Variants in NPHP3 observed in about 807,000 individuals in gnomAD.
NPHP3 encodes the protein nephrocystin-3.
A neutral mutation model predicts 171.9 loss-of-function variants in NPHP3; 123 were observed. The observed-to-expected ratio is 0.72, with a 90% CI of 0.62 to 0.83. The LOEUF (loss-of-function observed/expected upper bound fraction) is 0.83. Among genes scored for constraint, NPHP3 ranks in the 40% least tolerant of loss-of-function variants. NPHP3 has a pLI of 0.00. For synonymous variants in NPHP3, 558 were observed against 579.2 expected, an observed-to-expected ratio of 0.96 and a Z score of 0.52; for missense variants, 1,506 against 1,591.9, an observed-to-expected ratio of 0.95 and a Z score of 0.92.
At chr3:132,703,582 T>TC (rs202013776) in intron 9 of NPHP3, among the ~76,000 whole-genome samples, 1,613 of 148,394 alleles carry the variant, frequency 0.011, 23 homozygotes, top group African/African-American at 0.038. Flanking sequence ...TTTCTTTCTT[T>TC]TTTTTTTTTT....
intron 15 of NPHP3, chr3:132,695,292 C>T (rs1426721823): frequency 4.3e-6 from 1 of 232,156 alleles, no homozygotes; most frequent in Non-Finnish European, 8.7e-6. Flanking sequence ...AGCAGGGAAA[C>T]GATGATAAGT....
rs757236296 is a variant in NPHP3 at position 132,719,174 on chromosome 3, G to C, written c.520-30C>G. 3 of 1,543,158 alleles carry C rather than the reference G, an allele frequency of 1.9e-6. No individual in the cohort carries two copies. In the South Asian group the frequency reaches 3.5e-5, roughly 18 times the overall value. ...AAAAAGAATAATTTTAATGTTGAAAGCTTTTTCATAATCAAAAAGTTGTGT... is the reference window on the plus strand; with the variant it reads ...AAAAAGAATAATTTTAATGTTGAAACCTTTTTCATAATCAAAAAGTTGTGT... On this transcript the variant is annotated intron_variant, in intron 2 of 26. Transcript: ENST00000337331.
chr3:132,719,223 T>A, intron 2 of NPHP3, 79 bp from the exon 3 acceptor site: 1 of 1,125,082 alleles, frequency 8.9e-7, no homozygotes, highest in East Asian at 2.4e-5. Flanking sequence ...GGAAAAATAT[T>A]TCATTCATAA....
chr3:132,697,185 T>G (rs1175694503), intron 14 of NPHP3, 75 bp downstream of exon 14: 1 of 1,039,788 alleles, frequency 9.6e-7, no homozygotes, highest in Non-Finnish European at 1.5e-6. Context: ...CTATATTGAA[T>G]TTTAAGTCTC....
Position 132,681,381 on chromosome 3 carries a change from A to G in NPHP3, c.*529T>C, listed in dbSNP as rs904354545. 3.8e-5 allele frequency: 6 copies of G among 158,572 alleles called. No homozygotes were observed. Among genetic ancestry groups the G allele is most frequent in the Non-Finnish European group, 6.8e-5 (5 of 73,268 alleles). 9.8% of individuals were successfully genotyped at this position (158,572 alleles called of 1,614,324 possible). A position where few individuals can be genotyped will look rare whatever the true frequency, so the allele number is the denominator to read the frequency against. On this transcript the variant is annotated 3_prime_UTR_variant, in exon 27 of 27. Transcript: ENST00000337331. ...TGAGTTCAAGCGATTCTCATGCCTC[A>G]GCCTCCTGAGTAGCTAGGATTACAG...
chr3:132,693,132 G>A, intron 16 of NPHP3: 1 of 291,218 alleles, frequency 3.4e-6, no homozygotes, highest in Non-Finnish European at 6.5e-6. Flanking sequence ...GAAGACAGTG[G>A]AAGAAAATAG....
Position 132,694,860 on chromosome 3 carries a change from C to A in NPHP3, c.2277G>T (p.Met759Ile). The A allele has an allele frequency of 6.2e-7, 1 of 1,613,668 alleles. No homozygotes were observed. The highest frequency in any genetic ancestry group is 8.5e-7 in the Non-Finnish European group (1 of 1,179,928). ...RLVLHSIRES[M>I]ANDVDKELMK... ...TTAGCTCTTTATCCACATCATTTGC[C>A]ATGGACTCCCGGATAGAGTGCAGAA... Residue 759 changes from methionine (M) to isoleucine (I), a missense_variant, in exon 16 of 27, where the codon ATG becomes ATT. Met to Ile is a conservative substitution (Grantham distance 10, BLOSUM62 1). Transcript: ENST00000337331.
rs1254180323 is a variant in NPHP3, at chr3:132,700,352, A to C, written c.1725T>G (p.Ile575Met). Reference protein sequence around the residue: ...MSTSSESSLIIKRLTLKLMQH... With the variant: ...MSTSSESSLIMKRLTLKLMQH... ...ACTATACCTTTAGAGTTAGTCGTTTAATAATCAAGGAGGACTCTGAGCTGG... is the reference window on the plus strand; with the variant it reads ...ACTATACCTTTAGAGTTAGTCGTTTCATAATCAAGGAGGACTCTGAGCTGG... The change falls in exon 11 of 27, where the codon ATT becomes ATG. Residue 575 changes from isoleucine (I) to methionine (M), a missense_variant. Physicochemically the swap from Ile to Met is conservative, Grantham distance 10. Coordinates refer to ENST00000337331, the MANE Select transcript of NPHP3 (RefSeq NM_153240.5). The C allele has an allele frequency of 6.2e-7, 1 of 1,606,098 alleles. No homozygotes were observed. Among genetic ancestry groups the C allele is most frequent in the Admixed American group, 1.7e-5 (1 of 60,006 alleles).
chr3:132,692,593 G>A, intron 17 of NPHP3, 61 bp downstream of exon 17: 2 of 1,458,140 alleles, frequency 1.4e-6, no homozygotes, highest in Non-Finnish European at 1.9e-6. Context: ...TCCAGCCTGG[G>A]TGACAGAGAA....
intron 8 of NPHP3, among the ~76,000 whole-genome samples, chr3:132,705,173 T>A (rs1315705831): frequency 1.3e-5 from 2 of 152,098 alleles, no homozygotes; most frequent in East Asian, 1.9e-4. Context: ...TTACTATTTT[T>A]TTCTAATATA....
At chr3:132,721,907 C>T (rs1940234532) in intron 1 of NPHP3, 56 bp downstream of exon 1, 2 of 1,592,832 alleles carry the variant, frequency 1.3e-6, no homozygotes, top group Admixed American at 1.7e-5. Flanking sequence ...GGAGAGGGAG[C>T]AGGACGGCCG....
At chr3:132,707,036 G>A (rs1326062002) in intron 7 of NPHP3, among the ~76,000 whole-genome samples, 1 of 152,112 alleles carries the variant, frequency 6.6e-6, no homozygotes, top group African/African-American at 2.4e-5. Flanking sequence ...TGGGCACAGG[G>A]AAGTGAAAAC....
intron 5 of NPHP3, 117 bp from the exon 6 acceptor site, chr3:132,713,403 A>G: frequency 3.7e-6 from 2 of 538,032 alleles, no homozygotes; most frequent in Non-Finnish European, 6.1e-6. Flanking sequence ...ATATCTTTTC[A>G]TATAAAATTT....
At position 132,700,356 on chromosome 3, in the gene NPHP3, A is replaced by G; in HGVS notation, c.1721T>C (p.Ile574Thr). The G allele has an allele frequency of 6.2e-7, 1 of 1,608,622 alleles. No homozygotes were observed. Among genetic ancestry groups the G allele is most frequent in the Non-Finnish European group, 8.5e-7 (1 of 1,175,062 alleles). The change falls in exon 11 of 27, where the codon ATT becomes ACT. Residue 574 changes from isoleucine to threonine, a missense_variant. By Grantham distance (89) the Ile-to-Thr change is moderately conservative. This residue lies in a region of NPHP3 where 930 missense variants were observed against 924.9 expected (regional missense o/e 1.01). Transcript: ENST00000337331. ...PMSTSSESSL[I>T]IKRLTLKLMQ... ...TACCTTTAGAGTTAGTCGTTTAATA[A>G]TCAAGGAGGACTCTGAGCTGGTTGA...
intron 22 of NPHP3, among the ~76,000 whole-genome samples, chr3:132,686,860 T>G (rs1314678042): frequency 1.3e-5 from 2 of 152,220 alleles, no homozygotes; most frequent in Admixed American, 6.5e-5. Context: ...AAATGTTAAC[T>G]AAATTTATTT....
chr3:132,692,933 C>A, intron 16 of NPHP3, 115 bp from the exon 17 acceptor site: 1 of 809,598 alleles, frequency 1.2e-6, no homozygotes, highest in Non-Finnish European at 2.1e-6. Flanking sequence ...ACTTATAATT[C>A]AAATGATTTA....
At chr3:132,697,617 A>G (rs1304641303) in intron 13 of NPHP3, among the ~76,000 whole-genome samples, 1 of 152,238 alleles carries the variant, frequency 6.6e-6, no homozygotes, top group African/African-American at 2.4e-5. Flanking sequence ...GTTACATGGT[A>G]AAACATTTCT....
chr3:132,708,092 G>A lies in NPHP3; in HGVS notation c.1275+9C>T. ...AAGTGTGTTTTTCAAAAATGCCTAT[G>A]AATTTTACCTTGGCTTTGCTGGTCT... On this transcript the variant is annotated intron_variant, in intron 7 of 26. Coordinates refer to ENST00000337331, the MANE Select transcript of NPHP3 (RefSeq NM_153240.5). 2 of 1,613,818 alleles carry A rather than the reference G, an allele frequency of 1.2e-6. No individual in the cohort carries two copies. Among genetic ancestry groups the A allele is most frequent in the Middle Eastern group, 3.3e-4 (2 of 6,062 alleles).
chr3:132,705,340 C>T (rs900555487), intron 8 of NPHP3, among the ~76,000 whole-genome samples: 7 of 152,170 alleles, frequency 4.6e-5, no homozygotes, highest in African/African-American at 1.7e-4. Context: ...TGGAGGCATG[C>T]TTTCATCCCC....
Sources: gnomAD v4.1 joint callset for allele counts (sites outside exome capture counted in the v4.1 genomes callset) on GRCh38, gnomAD v4.1.1 for gene constraint, gnomAD v4.1.1 regional missense constraint, MANE v1.5 for transcripts, NCBI Gene and HGNC (gene_info 2026-07-23, HGNC 2026-07-21) for gene names.